TNS3: variants seen among roughly 807,000 people sequenced by gnomAD.
The protein encoded by TNS3 is tensin 3.
TNS3 carries 45 observed loss-of-function variants against 140.9 expected under a neutral mutation model. The ratio of observed to expected loss-of-function variants is 0.32; its 90% CI spans 0.25 to 0.41. TNS3 has a LOEUF of 0.41. Among genes scored for constraint, TNS3 ranks in the 10% least tolerant of loss-of-function variants. TNS3 has a pLI of 1.00. For missense variants in TNS3, 1,716 were observed against 1,906.7 expected, an observed-to-expected ratio of 0.90 and a Z score of 1.86; for synonymous variants, 815 against 788.4, an observed-to-expected ratio of 1.03 and a Z score of -0.56.
At chr7:47,469,667 G>A (rs1796865919) in intron 4 of TNS3, among the ~76,000 whole-genome samples, 1 of 152,114 alleles carries the variant, frequency 6.6e-6, no homozygotes, top group African/African-American at 2.4e-5. Context: ...ATTAAGGGTG[G>A]ACTGGATAAA....
At chr7:47,379,269 G>A (rs1267216801) in intron 16 of TNS3, among the ~76,000 whole-genome samples, 2 of 152,136 alleles carry the variant, frequency 1.3e-5, no homozygotes, top group African/African-American at 4.8e-5. Flanking sequence ...CCTTCTCAAG[G>A]GGCGTTGTAT....
At chr7:47,375,655 AC>A (rs1791336370) in intron 16 of TNS3, among the ~76,000 whole-genome samples, 1 of 152,240 alleles carries the variant, frequency 6.6e-6, no homozygotes, top group South Asian at 2.1e-4. Flanking sequence ...AATGGAGAAG[AC>A]CAAAAAAATA....
intron 1 of TNS3, among the ~76,000 whole-genome samples, chr7:47,539,952 AC>A (rs1464307003): frequency 3.9e-5 from 6 of 152,060 alleles, no homozygotes; most frequent in Non-Finnish European, 8.8e-5. Context: ...ATGCGAAGGG[AC>A]TCAGAAGCCA....
intron 20 of TNS3, among the ~76,000 whole-genome samples, chr7:47,327,725 G>A (rs935980034): frequency 7.2e-5 from 11 of 152,194 alleles, no homozygotes; most frequent in African/African-American, 9.7e-5. Flanking sequence ...AAGCCTTGGC[G>A]ACTTGAGAAC....
At position 47,368,464 on chromosome 7, in the gene TNS3, T is replaced by C. The variant is rs1476050672; in HGVS notation, c.2182A>G (p.Asn728Asp). 1 of 1,586,464 alleles carries C rather than the reference T, an allele frequency of 6.3e-7. No individual in the cohort carries two copies. The highest frequency in any genetic ancestry group is 8.6e-7 in the Non-Finnish European group (1 of 1,160,666). The change falls in exon 17 of 31, where the codon AAT becomes GAT. Residue 728 changes from asparagine to aspartate, a missense_variant. Asn to Asp is a conservative substitution (Grantham distance 23). Around this residue, in one of 3 missense-constraint regions of TNS3, gnomAD observed 1,163 missense variants for 1,182.1 expected, o/e 0.98. Transcript: ENST00000311160. Reference protein sequence around the residue: ...THMNALGSQANGSVSPDSVGG... With the variant: ...THMNALGSQADGSVSPDSVGG... ...ACGCTGTCTGGAGACACAGAGCCATTGGCCTGGCTACCGAGGGCGTTCATG... is the reference window on the plus strand; with the variant it reads ...ACGCTGTCTGGAGACACAGAGCCATCGGCCTGGCTACCGAGGGCGTTCATG...
At chr7:47,291,028 C>A (rs920497988) in intron 27 of TNS3, among the ~76,000 whole-genome samples, 1 of 152,018 alleles carries the variant, frequency 6.6e-6, no homozygotes, top group South Asian at 2.1e-4. Flanking sequence ...GCCATAAAAA[C>A]ACATGGAGGA....
intron 2 of TNS3, among the ~76,000 whole-genome samples, chr7:47,519,124 C>A (rs334531): frequency 1.3e-5 from 2 of 151,952 alleles, no homozygotes; most frequent in Admixed American, 1.3e-4. Flanking sequence ...GTGAGACCCA[C>A]TGAGGCCCCG....
chr7:47,337,157 T>C (rs1425510504), intron 20 of TNS3, among the ~76,000 whole-genome samples: 2 of 152,234 alleles, frequency 1.3e-5, no homozygotes, highest in Admixed American at 6.5e-5. Flanking sequence ...TCTTAATGAC[T>C]TTCCATCCAC....
rs142706530 is a variant in TNS3, at chr7:47,439,481, G to A, written c.150+6C>T. ...CCAAAGGCTCCCAGAGCCGCCCACCGCTCACCAGGTAGTTGTCCCCGTGCT... is the reference window on the plus strand; with the variant it reads ...CCAAAGGCTCCCAGAGCCGCCCACCACTCACCAGGTAGTTGTCCCCGTGCT... On this transcript the variant is annotated splice_donor_region_variant and intron_variant, in intron 6 of 30. Transcript: ENST00000311160. 2,324 of 1,613,180 alleles carry A rather than the reference G, an allele frequency of 1.4e-3. 34 individuals are homozygous for A. The African/African-American group carries it at 0.026, about 18-fold the overall frequency.
At chr7:47,529,397 C>T (rs1457937729) in intron 1 of TNS3, among the ~76,000 whole-genome samples, 1 of 152,186 alleles carries the variant, frequency 6.6e-6, no homozygotes, top group African/African-American at 2.4e-5. Flanking sequence ...TCATCAATCA[C>T]CACATGGGGT....
chr7:47,569,784 G>A (rs1800511462), intron 1 of TNS3, among the ~76,000 whole-genome samples: 1 of 151,794 alleles, frequency 6.6e-6, no homozygotes, highest in African/African-American at 2.4e-5. Context: ...AACCTGGTAG[G>A]TGGAGGATGC....
intron 1 of TNS3, among the ~76,000 whole-genome samples, chr7:47,567,061 C>A (rs1800446163): frequency 1.3e-5 from 2 of 149,794 alleles, no homozygotes; most frequent in Non-Finnish European, 3.0e-5. Context: ...AAAGACATTC[C>A]ATCTCTTAAT....
intron 16 of TNS3, among the ~76,000 whole-genome samples, chr7:47,376,667 T>C (rs1429619207): frequency 6.6e-6 from 1 of 151,248 alleles, no homozygotes; most frequent in African/African-American, 2.4e-5. Flanking sequence ...CAAAAAAAGA[T>C]AAAATTCTAA....
intron 16 of TNS3, among the ~76,000 whole-genome samples, chr7:47,383,945 C>T (rs577630561): frequency 1.3e-5 from 2 of 152,308 alleles, no homozygotes; most frequent in South Asian, 4.2e-4. Flanking sequence ...CGCAGGGCCT[C>T]CTGTGAAGTT....
chr7:47,389,419 T>C (rs1460820128), intron 16 of TNS3, among the ~76,000 whole-genome samples: 1 of 152,200 alleles, frequency 6.6e-6, no homozygotes, highest in East Asian at 1.9e-4. Context: ...TCTTTCTCTG[T>C]CCCAGGGGGT....
intron 14 of TNS3, 47 bp from the exon 15 acceptor site, chr7:47,400,505 G>A (rs375968468): frequency 3.9e-5 from 62 of 1,579,342 alleles, no homozygotes; most frequent in African/African-American, 5.4e-5. Context: ...ACAATTAACC[G>A]GAAAAGTATG....
At chr7:47,544,149 A>G (rs537606410) in intron 1 of TNS3, among the ~76,000 whole-genome samples, 3 of 151,946 alleles carry the variant, frequency 2.0e-5, no homozygotes, top group Non-Finnish European at 4.4e-5. Flanking sequence ...CCTCCAGCTA[A>G]GTCCCTGGTA....
intron 27 of TNS3, among the ~76,000 whole-genome samples, chr7:47,286,624 T>A (rs941970211): frequency 6.6e-6 from 1 of 152,106 alleles, no homozygotes; most frequent in Non-Finnish European, 1.5e-5. Context: ...AGGGACTTGA[T>A]AACACAGAAC....
chr7:47,506,563 T>C (rs747885885), intron 3 of TNS3, among the ~76,000 whole-genome samples: 10 of 151,936 alleles, frequency 6.6e-5, no homozygotes, highest in Non-Finnish European at 1.3e-4. Flanking sequence ...GCCCTGGACC[T>C]CCCTGCTCCT....
Sources: allele counts gnomAD v4.1 joint callset (sites outside exome capture counted in the v4.1 genomes callset), GRCh38; gene constraint gnomAD v4.1.1; regional missense constraint gnomAD v4.1.1; transcripts MANE v1.5; gene names NCBI Gene and HGNC (gene_info 2026-07-23, HGNC 2026-07-21).